Variants in ALPK3 observed in about 807,000 individuals in gnomAD.
ALPK3 encodes alpha-protein kinase 3.
ALPK3 carries 102 observed loss-of-function variants against 140.0 expected under a neutral mutation model. The ratio of observed to expected loss-of-function variants is 0.73; its 90% CI spans 0.62 to 0.86. The LOEUF (loss-of-function observed/expected upper bound fraction) is 0.86. ALPK3 is among the 40% of genes least tolerant of loss of function. ALPK3 has a pLI of 0.00. For missense variants in ALPK3, 2,254 were observed against 2,208.2 expected, an observed-to-expected ratio of 1.02 and a Z score of -0.42; for synonymous variants, 938 against 898.5, an observed-to-expected ratio of 1.04 and a Z score of -0.79.
In ALPK3 at chr15:84,860,320, T is replaced by G. The variant is rs1422707771; in HGVS notation, c.4129+248T>G. Among the ~76,000 whole-genome samples, 3 of 152,142 alleles carry G rather than the reference T, an allele frequency of 2.0e-5. No individual in the cohort carries two copies. In the East Asian group the frequency reaches 5.8e-4, roughly 29 times the overall value. Reference sequence around the variant, plus strand: ...GTGCCCTTTGCCCATGTCAGAGTCTTTGATCCAGGGCAGAACCGGCCACCA... The same window carrying G: ...GTGCCCTTTGCCCATGTCAGAGTCTGTGATCCAGGGCAGAACCGGCCACCA... On this transcript the variant is annotated intron_variant, in intron 9 of 13. Coordinates refer to ENST00000258888, the MANE Select transcript of ALPK3 (RefSeq NM_020778.5).
intron 7 of ALPK3, 59 bp downstream of exon 7, chr15:84,859,449 G>A: frequency 1.3e-6 from 2 of 1,598,054 alleles, no homozygotes; most frequent in Non-Finnish European, 1.7e-6. Flanking sequence ...AATACCGTTG[G>A]GCACTGTCCT....
rs914563916 is a variant in ALPK3, at chr15:84,873,474, C to G, written c.*5018C>G. The G allele has an allele frequency of 1.3e-5, 2 of 151,970 alleles. No individual in the cohort carries two copies. Among genetic ancestry groups the G allele is most frequent in the Admixed American group, 6.6e-5 (1 of 15,254 alleles). 9.4% of individuals were successfully genotyped at this position (151,970 alleles called of 1,614,324 possible). On this transcript the variant is annotated 3_prime_UTR_variant, in exon 14 of 14. Transcript: ENST00000258888. ...AACATATCAATAAAGACAACCTGAA[C>G]CAAAATTATATCTTGGTCATACAGC... is the stretch of plus-strand genomic sequence containing the variant.
chr15:84,849,208 G>T (rs1963771602), intron 5 of ALPK3, among the ~76,000 whole-genome samples: 2 of 151,256 alleles, frequency 1.3e-5, no homozygotes, highest in African/African-American at 4.9e-5. Flanking sequence ...AATTCAAGAA[G>T]ACATAACAAT....
At chr15:84,823,478 GA>G in intron 2 of ALPK3, 110 bp downstream of exon 2, 1 of 1,268,622 alleles carries the variant, frequency 7.9e-7, no homozygotes, top group Non-Finnish European at 1.1e-6. Context: ...GGGGTGAGGG[GA>G]GAGCTGGAGG....
At position 84,857,696 on chromosome 15, in the gene ALPK3, A is replaced by G. The variant is rs1963883323; in HGVS notation, c.2958A>G (p.Ala986=). 1.2e-6 allele frequency: 2 copies of G among 1,610,868 alleles called. No individual in the cohort carries two copies. Among genetic ancestry groups the G allele is most frequent in the Middle Eastern group, 1.6e-4 (1 of 6,072 alleles). Residue 986 remains alanine, a synonymous_variant, in exon 6 of 14, where the codon GCA becomes GCG. Transcript: ENST00000258888. ...CAGGGGGAGAGTCCCAGGTGGGGGC[A>G]GCCACCGGAGGTCTGGTGCCCTCAG... ...SGAGGESQVG[A]ATGGLVPSAT...
chr15:84,823,312 T>C lies in ALPK3; in HGVS notation c.144-18T>C, dbSNP rs1963448418. On this transcript the variant is annotated intron_variant, in intron 1 of 13. Coordinates refer to ENST00000258888, the MANE Select transcript of ALPK3 (RefSeq NM_020778.5). ...TTGCTTTTTTGGCCTAATGATTCCA[T>C]TTGCTGTTTTTGCTTAGCTTATCAA... 1.2e-6 allele frequency: 2 copies of C among 1,614,046 alleles called. No homozygotes were observed. The highest frequency in any genetic ancestry group is 1.7e-5 in the Admixed American group (1 of 59,998).
At chr15:84,838,855 C>G in intron 3 of ALPK3, 125 bp from the exon 4 acceptor site, 2 of 713,854 alleles carry the variant, frequency 2.8e-6, no homozygotes, top group Non-Finnish European at 4.9e-6. Context: ...CTCCTGACCT[C>G]AGGTGATCTG....
intron 5 of ALPK3, among the ~76,000 whole-genome samples, chr15:84,851,976 C>T (rs993578401): frequency 1.1e-4 from 17 of 152,144 alleles, no homozygotes; most frequent in African/African-American, 3.9e-4. Flanking sequence ...TAACCCTGGC[C>T]AAGAGAGTAC....
chr15:84,840,448 C>T lies in ALPK3; in HGVS notation c.1169C>T (p.Ala390Val). The T allele has an allele frequency of 6.2e-7, 1 of 1,613,788 alleles. No individual in the cohort carries two copies. Among genetic ancestry groups the T allele is most frequent in the East Asian group, 2.2e-5 (1 of 44,866 alleles). The change falls in exon 5 of 14, where the codon GCC becomes GTC. Residue 390 changes from alanine to valine, a missense_variant. By Grantham distance (64) the Ala-to-Val change is moderately conservative. Transcript: ENST00000258888. ...GGCACAGATAGTACCAGGAAGCCAG[C>T]CTCTGCTGTGGGCACTCCAGACAAG... The part of the protein sequence containing the change: ...SSGTDSTRKP[A>V]SAVGTPDKAQ...
At chr15:84,841,644 A>G (rs1347020438) in intron 5 of ALPK3, among the ~76,000 whole-genome samples, 1 of 152,184 alleles carries the variant, frequency 6.6e-6, no homozygotes, top group Non-Finnish European at 1.5e-5. Context: ...TCTAGGGAAC[A>G]GGTAGCTGAC....
chr15:84,863,022 G>T, intron 10 of ALPK3, 107 bp downstream of exon 10: 1 of 1,440,872 alleles, frequency 6.9e-7, no homozygotes, highest in African/African-American at 1.4e-5. Context: ...AGGCATCTCA[G>T]TCTCAACCTT....
intron 1 of ALPK3, 142 bp downstream of exon 1, chr15:84,817,737 C>T (rs1963377616): frequency 2.7e-6 from 3 of 1,119,214 alleles, no homozygotes; most frequent in South Asian, 2.1e-5. Context: ...GGCCTGGGGA[C>T]ATGGCCGGGC....
intron 9 of ALPK3, 142 bp from the exon 10 acceptor site, chr15:84,862,493 G>T: frequency 1.0e-6 from 1 of 980,000 alleles, no homozygotes; most frequent in Non-Finnish European, 1.5e-6. Context: ...GACTTAATGT[G>T]CCCAAAGAGC....
rs778630617 is a variant in ALPK3, at chr15:84,856,486, G to C, written c.1748G>C (p.Gly583Ala). 1 of 1,614,166 alleles carries C rather than the reference G, an allele frequency of 6.2e-7. No individual in the cohort carries two copies. Among genetic ancestry groups the C allele is most frequent in the Non-Finnish European group, 8.5e-7 (1 of 1,180,026 alleles). ...GGGGTTAGCACTTCCGGAAGTCAAG[G>C]TATCATTGAACCCATGGATATGGAA... ...SIGVSTSGSQ[G>A]IIEPMDMETQ... The change falls in exon 6 of 14, where the codon GGT (glycine) becomes GCT (alanine). Residue 583 changes from glycine (G) to alanine (A), a missense_variant. Coordinates refer to ENST00000258888, the MANE Select transcript of ALPK3 (RefSeq NM_020778.5).
chr15:84,867,916 T>A (rs977543484), intron 13 of ALPK3, among the ~76,000 whole-genome samples, 195 bp from the exon 14 acceptor site: 5 of 151,998 alleles, frequency 3.3e-5, no homozygotes, highest in African/African-American at 1.2e-4. Flanking sequence ...TCTGTCTCTA[T>A]TTTTTTAAAA....
chr15:84,843,620 A>C (rs1963692284), intron 5 of ALPK3, among the ~76,000 whole-genome samples: 1 of 152,202 alleles, frequency 6.6e-6, no homozygotes, highest in African/African-American at 2.4e-5. Context: ...GAAATATCTC[A>C]ATCCCTGAAA....
intron 3 of ALPK3, among the ~76,000 whole-genome samples, chr15:84,836,225 G>A (rs962046437): frequency 4.6e-5 from 7 of 152,204 alleles, no homozygotes; most frequent in Non-Finnish European, 8.8e-5. Context: ...GGGGGAGAGT[G>A]GAGGGAGGTG....
chr15:84,836,692 A>G (rs1466035997), intron 3 of ALPK3, among the ~76,000 whole-genome samples: 6 of 152,226 alleles, frequency 3.9e-5, no homozygotes, highest in Admixed American at 3.3e-4. Context: ...TGGACCTTCA[A>G]GTGGAAATGC....
intron 2 of ALPK3, among the ~76,000 whole-genome samples, chr15:84,823,801 C>A (rs998840245): frequency 3.3e-5 from 5 of 152,190 alleles, no homozygotes; most frequent in Non-Finnish European, 7.3e-5. Flanking sequence ...GCCTTGAACT[C>A]CTGGCCTCAA....
Sources: allele counts gnomAD v4.1 joint callset (sites outside exome capture counted in the v4.1 genomes callset), GRCh38; gene constraint gnomAD v4.1.1; transcripts MANE v1.5; gene names NCBI Gene and HGNC (gene_info 2026-07-23, HGNC 2026-07-21).